The following RBFOX1 variants were observed in gnomAD, a reference collection of about 807,000 sequenced individuals.
RBFOX1 encodes RNA binding protein fox-1 homolog 1.
In RBFOX1, 8 loss-of-function variants were observed where a neutral mutation model predicts 57.7. That is an observed-to-expected ratio of 0.14 (90% CI 0.08 to 0.25). The LOEUF (loss-of-function observed/expected upper bound fraction) is 0.25, where lower values mean the gene tolerates loss of function less well. RBFOX1 is among the 10% of genes least tolerant of loss of function. The pLI is 1.00. For missense variants in RBFOX1, 611 were observed against 548.5 expected (o/e 1.11, Z -1.14); for synonymous variants, 326 against 222.4 (o/e 1.47, Z -4.15).
intron 4 of RBFOX1, among the ~76,000 whole-genome samples, chr16:7,054,213 C>CTCGGG (rs1555822406): frequency 5.6e-5 from 1 of 17,828 alleles, no homozygotes; most frequent in Non-Finnish European, 7.8e-5. Context: ...TTTTTTTTTT[C>CTCGGG]GGGGGGGGGG....
At chr16:6,575,347 C>T (rs950585834) in intron 2 of RBFOX1, among the ~76,000 whole-genome samples, 4 of 152,086 alleles carry the variant, frequency 2.6e-5, no homozygotes, top group Non-Finnish European at 4.4e-5. Flanking sequence ...ATACTAAGTC[C>T]TCTCAACATT....
intron 2 of RBFOX1, among the ~76,000 whole-genome samples, chr16:5,567,611 G>T (rs1194570909): frequency 1.4e-5 from 2 of 145,450 alleles, no homozygotes; most frequent in Admixed American, 6.9e-5. Flanking sequence ...TTAAACCATA[G>T]TGGGGGGGTA....
At position 6,933,462 on chromosome 16, in the gene RBFOX1, C is replaced by T. The variant is rs144151204; in HGVS notation, c.-15-118595C>T. ...GTGCAGTGGCTCATGCCTGTAATCC[C>T]GGCTCTTTGGGAAGCCAAGGCAGGC... On this transcript the variant is annotated intron_variant, in intron 3 of 15. Coordinates refer to ENST00000550418, the MANE Select transcript of RBFOX1 (RefSeq NM_018723.4). Among the ~76,000 whole-genome samples the T allele has an allele frequency of 5.8e-4, 89 of 152,352 alleles. 1 individual carries two copies. Among genetic ancestry groups the T allele is most frequent in the African/African-American group, 1.7e-3 (70 of 41,578 alleles).
chr16:5,412,421 G>T (rs572195336), intron 1 of RBFOX1, among the ~76,000 whole-genome samples: 4 of 152,164 alleles, frequency 2.6e-5, no homozygotes, highest in South Asian at 2.1e-4. Flanking sequence ...TTATGGGCTC[G>T]TGATGGTTGT....
At chr16:7,294,940 T>G (rs62014006) in intron 4 of RBFOX1, among the ~76,000 whole-genome samples, 75,932 of 152,006 alleles carry the variant, frequency 0.5, 20,251 homozygotes, top group East Asian at 0.83. Flanking sequence ...ATACTTCTTG[T>G]GCCCTCAGTT....
chr16:5,803,111 C>G (rs527547656), intron 3 of RBFOX1, among the ~76,000 whole-genome samples: 9 of 152,174 alleles, frequency 5.9e-5, no homozygotes, highest in Non-Finnish European at 1.0e-4. Flanking sequence ...TTGGATGGGA[C>G]TATAGTCAGA....
At chr16:7,384,393 A>G (rs952076773) in intron 4 of RBFOX1, among the ~76,000 whole-genome samples, 1 of 152,206 alleles carries the variant, frequency 6.6e-6, no homozygotes, top group South Asian at 2.1e-4. Context: ...TATTTATACC[A>G]TTACAAAAAC....
At chr16:5,879,151 G>T (rs747336113) in intron 4 of RBFOX1, among the ~76,000 whole-genome samples, 2 of 152,174 alleles carry the variant, frequency 1.3e-5, no homozygotes, top group African/African-American at 2.4e-5. Flanking sequence ...GAAGGGGAGA[G>T]AATGCTGTAT....
At chr16:5,384,842 T>C (rs2066217600) in intron 1 of RBFOX1, among the ~76,000 whole-genome samples, 1 of 152,182 alleles carries the variant, frequency 6.6e-6, no homozygotes, top group Non-Finnish European at 1.5e-5. Flanking sequence ...TAAATGTGCA[T>C]ATTCATCGTA....
chr16:5,657,737 C>G lies in RBFOX1; in HGVS notation c.318+58776C>G, dbSNP rs2079738. ...CTCTTTCTTTTGTTTCTTTTCTTTT[C>G]TTTTTTTTTTTTTGAGACAGAATCT... is the stretch of plus-strand genomic sequence containing the variant. On this transcript the variant is annotated intron_variant, in intron 3 of 19. Transcript: ENST00000641259. Among the ~76,000 whole-genome samples, 11 of 115,346 alleles carry G rather than the reference C, an allele frequency of 9.5e-5. 2 individuals are homozygous for G. The highest frequency in any genetic ancestry group is 1.7e-4 in the Non-Finnish European group (10 of 57,612). The allele number at this position is 115,346 out of a possible 152,430, so 75.7% of individuals were successfully genotyped here.
chr16:5,668,018 GA>G (rs548616091), intron 3 of RBFOX1, among the ~76,000 whole-genome samples: 39 of 146,982 alleles, frequency 2.7e-4, no homozygotes, highest in South Asian at 1.5e-3. Context: ...TGTCCACCAG[GA>G]AAAAAAAAAA....
chr16:7,287,816 G>A (rs62014003), intron 4 of RBFOX1, among the ~76,000 whole-genome samples: 2 of 151,854 alleles, frequency 1.3e-5, no homozygotes, highest in African/African-American at 4.8e-5. Context: ...ACATATATGG[G>A]GTATTACCCA....
At chr16:6,839,769 T>G (rs2093355076) in intron 3 of RBFOX1, among the ~76,000 whole-genome samples, 1 of 152,230 alleles carries the variant, frequency 6.6e-6, no homozygotes, top group Non-Finnish European at 1.5e-5. Context: ...TTGAAACATT[T>G]GGATGTAGAA....
At chr16:6,154,227 C>A (rs2096823241) in intron 1 of RBFOX1, among the ~76,000 whole-genome samples, 1 of 152,190 alleles carries the variant, frequency 6.6e-6, no homozygotes, top group South Asian at 2.1e-4. Flanking sequence ...CATTACTTGC[C>A]TTGCAAGGTT....
chr16:5,707,849 G>C (rs754801409), intron 3 of RBFOX1, among the ~76,000 whole-genome samples: 1 of 152,168 alleles, frequency 6.6e-6, no homozygotes, highest in Non-Finnish European at 1.5e-5. Flanking sequence ...TAGTAGTTAA[G>C]AATGCCATTG....
intron 3 of RBFOX1, among the ~76,000 whole-genome samples, chr16:6,784,364 ATTCT>A (rs1308654377): frequency 4.0e-5 from 6 of 151,758 alleles, no homozygotes; most frequent in East Asian, 1.9e-4. Context: ...GAGCTCACTG[ATTCT>A]TTCTTCTGCT....
intron 3 of RBFOX1, among the ~76,000 whole-genome samples, chr16:5,865,465 T>G (rs1472831320): frequency 6.6e-6 from 1 of 152,152 alleles, no homozygotes; most frequent in Non-Finnish European, 1.5e-5. Context: ...TCATGGACTT[T>G]CTTGGCTGAG....
chr16:6,652,392 G>A (rs930277759), intron 2 of RBFOX1, among the ~76,000 whole-genome samples: 1 of 151,978 alleles, frequency 6.6e-6, no homozygotes, highest in Non-Finnish European at 1.5e-5. Context: ...AGGTTGCAGT[G>A]AGCCAAGATC....
chr16:6,708,002 G>A (rs1486529193), intron 3 of RBFOX1, among the ~76,000 whole-genome samples: 1 of 152,146 alleles, frequency 6.6e-6, no homozygotes, highest in Admixed American at 6.5e-5. Context: ...TAGTGCTGTG[G>A]AGGGTTTCAA....
Sources: gnomAD v4.1 joint callset for allele counts (sites outside exome capture counted in the v4.1 genomes callset) on GRCh38, gnomAD v4.1.1 for gene constraint, MANE v1.5 for transcripts, NCBI Gene and HGNC (gene_info 2026-07-23, HGNC 2026-07-21) for gene names.